NUP107: variants seen among roughly 807,000 people sequenced by gnomAD.
NUP107 encodes the protein nucleoporin 107.
A neutral mutation model predicts 141.0 loss-of-function variants in NUP107; 101 were observed. That is an observed-to-expected ratio of 0.72 (90% CI 0.61 to 0.84). The LOEUF (loss-of-function observed/expected upper bound fraction) is 0.84. Among genes scored for constraint, NUP107 ranks in the 40% least tolerant of loss-of-function variants. The pLI is 0.00. For synonymous variants in NUP107, 319 were observed against 363.9 expected (o/e 0.88, Z 1.41); for missense variants, 941 against 1,102.7 (o/e 0.85, Z 2.08).
At chr12:68,696,711 C>G in intron 5 of NUP107, 108 bp from the exon 6 acceptor site, 1 of 645,332 alleles carries the variant, frequency 1.5e-6, no homozygotes, top group African/African-American at 1.8e-5. Context: ...GAAACTCCAT[C>G]TCAAAAAATA....
At chr12:68,738,451 A>AT (rs1878172669) in intron 26 of NUP107, among the ~76,000 whole-genome samples, 1 of 85,880 alleles carries the variant, frequency 1.2e-5, no homozygotes, top group South Asian at 3.7e-4. Context: ...ACTCCGTCTC[A>AT]AAAAAAAAAA....
At chr12:68,736,306 T>G (rs1337557991) in intron 26 of NUP107, among the ~76,000 whole-genome samples, 5 of 152,198 alleles carry the variant, frequency 3.3e-5, no homozygotes, top group Non-Finnish European at 5.9e-5. Context: ...TAGCCTGTCT[T>G]CTCTGACCAG....
At chr12:68,696,767 GTACGT>G (rs1876077425) in intron 5 of NUP107, 47 bp from the exon 6 acceptor site, 2 of 936,028 alleles carry the variant, frequency 2.1e-6, no homozygotes, top group East Asian at 4.9e-5. Context: ...TTACCTAGAA[GTACGT>G]CACTTAACTT....
intron 8 of NUP107, among the ~76,000 whole-genome samples, chr12:68,704,499 G>C (rs753995636): frequency 5.3e-5 from 8 of 151,414 alleles, no homozygotes; most frequent in Non-Finnish European, 1.2e-4. Flanking sequence ...TATTGCCCAG[G>C]CTGGAGTGCA....
chr12:68,708,600 T>A (rs1164260345), intron 8 of NUP107, among the ~76,000 whole-genome samples: 3 of 152,062 alleles, frequency 2.0e-5, no homozygotes, highest in Non-Finnish European at 2.9e-5. Context: ...AACAGGGCTG[T>A]ATTCAGCCCT....
intron 17 of NUP107, among the ~76,000 whole-genome samples, 192 bp downstream of exon 17, chr12:68,722,344 A>G (rs1362520222): frequency 6.6e-6 from 1 of 152,138 alleles, no homozygotes; most frequent in African/African-American, 2.4e-5. Flanking sequence ...TTTCGGATTA[A>G]TTTCATCTAA....
chr12:68,719,443 G>A lies in NUP107; in HGVS notation c.1174+12G>A. On this transcript the variant is annotated intron_variant, in intron 13 of 27. Transcript: ENST00000229179. ...TAATGTTAATGGAGGTATTTTAGTAGATTTTATTCTGACAGTTGAGGACAA... is the reference window on the plus strand; with the variant it reads ...TAATGTTAATGGAGGTATTTTAGTAAATTTTATTCTGACAGTTGAGGACAA... 2 of 1,609,780 alleles carry A rather than the reference G, an allele frequency of 1.2e-6. No individual in the cohort carries two copies. The highest frequency in any genetic ancestry group is 1.7e-6 in the Non-Finnish European group (2 of 1,176,258).
In NUP107 at chr12:68,713,733, A is replaced by G. The variant is rs373964395; in HGVS notation, c.894A>G (p.Glu298=). ...IEFYAKSVYW[E]NTLHTLKQRQ... is the part of the protein sequence containing the mutation. ...TGGTACTTATTATTTCTTTCAGGGA[A>G]AATACTCTGCATACCTTAAAACAAC... Residue 298 remains glutamate, a synonymous_variant, in exon 11 of 28, where the codon GAA becomes GAG. Transcript: ENST00000229179. 1.3e-5 allele frequency: 20 copies of G among 1,597,096 alleles called. No homozygotes were observed. The highest frequency in any genetic ancestry group is 1.6e-5 in the Non-Finnish European group (19 of 1,174,840).
chr12:68,708,839 G>T (rs184910245), intron 8 of NUP107, among the ~76,000 whole-genome samples: 25 of 152,172 alleles, frequency 1.6e-4, no homozygotes, highest in African/African-American at 5.8e-4. Context: ...GACTGGTCTC[G>T]AACTCCTGAC....
chr12:68,729,774 C>T (rs1877733425), intron 20 of NUP107, among the ~76,000 whole-genome samples: 1 of 149,936 alleles, frequency 6.7e-6, no homozygotes, highest in Non-Finnish European at 1.5e-5. Context: ...TATTTCTAGG[C>T]TATTAATTTG....
intron 6 of NUP107, among the ~76,000 whole-genome samples, chr12:68,697,934 A>G (rs1471008451): frequency 1.3e-5 from 2 of 151,836 alleles, no homozygotes; most frequent in Non-Finnish European, 2.9e-5. Context: ...AGCCTGAGGC[A>G]GGAGAATCGC....
intron 10 of NUP107, among the ~76,000 whole-genome samples, chr12:68,713,345 A>G (rs1876951939): frequency 6.7e-6 from 1 of 149,428 alleles, no homozygotes. Flanking sequence ...ACTGCACTTT[A>G]GCCTCGGCAA....
Position 68,743,528 on chromosome 12 carries a change from A to T in NUP107, c.*1066A>T, listed in dbSNP as rs1455489951. ...TGAATTTGCAAAGGCAAAGAGTGAC[A>T]CAAGAAGGATGAGGCTCTATAGATT... On this transcript the variant is annotated 3_prime_UTR_variant, in exon 28 of 28. Coordinates refer to ENST00000229179, the MANE Select transcript of NUP107 (RefSeq NM_020401.4). The T allele has an allele frequency of 1.3e-5, 2 of 152,288 alleles. No homozygotes were observed. Among genetic ancestry groups the T allele is most frequent in the African/African-American group, 4.8e-5 (2 of 41,476 alleles). The allele number at this position is 152,288 out of a possible 1,614,324, so 9.4% of individuals were successfully genotyped here. A position where few individuals can be genotyped will look rare whatever the true frequency, so the allele number is the denominator to read the frequency against.
At position 68,688,953 on chromosome 12, in the gene NUP107, CT is replaced by C; in HGVS notation, c.9-8del. On this transcript the variant is annotated splice_polypyrimidine_tract_variant and splice_region_variant and intron_variant, in intron 1 of 27. Transcript: ENST00000229179. ...TTTCACTTATATAAGCTTGATTATACTACTTTAGGAGTGGCTTTGGAGAGAT... is the reference window on the plus strand; with the variant it reads ...TTTCACTTATATAAGCTTGATTATACACTTTAGGAGTGGCTTTGGAGAGAT... 6.3e-7 allele frequency: 1 copy of C among 1,594,698 alleles called. No individual in the cohort carries two copies. The highest frequency in any genetic ancestry group is 8.6e-7 in the Non-Finnish European group (1 of 1,166,392).
intron 8 of NUP107, chr12:68,706,965 G>T: frequency 1.5e-6 from 1 of 649,426 alleles, no homozygotes; most frequent in Non-Finnish European, 2.8e-6. Flanking sequence ...TCTGGTGCGG[G>T]CTCCAGTTCC....
intron 6 of NUP107, among the ~76,000 whole-genome samples, chr12:68,698,785 G>A (rs1384944777): frequency 6.6e-6 from 1 of 152,178 alleles, no homozygotes; most frequent in Non-Finnish European, 1.5e-5. Flanking sequence ...AGTTAGTTGC[G>A]AGGGAGCAAT....
chr12:68,739,452 T>C (rs1463974840), intron 26 of NUP107, among the ~76,000 whole-genome samples: 1 of 152,222 alleles, frequency 6.6e-6, no homozygotes, highest in Non-Finnish European at 1.5e-5. Context: ...CTGAGGTGAA[T>C]GTACTGTCTT....
chr12:68,702,798 T>C lies in NUP107; in HGVS notation c.729+14T>C. On this transcript the variant is annotated intron_variant, in intron 8 of 27. Transcript: ENST00000229179. ...TTCGCAGTTACTGTAAGTTTTATAT[T>C]AATTTTTTCTTTTATAAATACATAC... The C allele has an allele frequency of 7.0e-7, 1 of 1,422,908 alleles. No homozygotes were observed. The highest frequency in any genetic ancestry group is 9.6e-7 in the Non-Finnish European group (1 of 1,040,354). 88.1% of individuals were successfully genotyped at this position (1,422,908 alleles called of 1,614,324 possible). A position where few individuals can be genotyped will look rare whatever the true frequency, so the allele number is the denominator to read the frequency against.
rs12321983 is a variant in NUP107 at position 68,707,337 on chromosome 12, C to T, written c.730-1901C>T. Among the ~76,000 whole-genome samples, 437 of 152,282 alleles carry T rather than the reference C, an allele frequency of 2.9e-3. 2 individuals carry two copies. The Middle Eastern group carries it at 0.034, about 12-fold the overall frequency. ...AAAAAATGGTCCAGGTGTGGAGGCT[C>T]ATGCCGGTAATCCCAACACTTTGGG... On this transcript the variant is annotated intron_variant, in intron 8 of 27. Transcript: ENST00000229179.
Sources: allele counts gnomAD v4.1 joint callset (sites outside exome capture counted in the v4.1 genomes callset), GRCh38; gene constraint gnomAD v4.1.1; transcripts MANE v1.5; gene names NCBI Gene and HGNC (gene_info 2026-07-23, HGNC 2026-07-21).